The following ITPR1 variants were observed in gnomAD, a reference collection of about 807,000 sequenced individuals.
The protein encoded by ITPR1 is inositol 1,4,5-trisphosphate receptor type 1.
Under a neutral mutation model 318.4 loss-of-function variants are expected in ITPR1, and 96 were observed. The observed-to-expected ratio is 0.30, with a 90% CI of 0.26 to 0.36. The LOEUF is 0.36. ITPR1 is among the 10% of genes least tolerant of loss of function. ITPR1 has a pLI of 1.00. For synonymous variants in ITPR1, 1,312 were observed against 1,289.9 expected (o/e 1.02, Z -0.37); for missense variants, 2,440 against 3,460.2 (o/e 0.71, Z 7.40).
intron 43 of ITPR1, among the ~76,000 whole-genome samples, chr3:4,734,633 C>T (rs988254040): frequency 6.6e-6 from 1 of 152,216 alleles, no homozygotes; most frequent in Non-Finnish European, 1.5e-5. Flanking sequence ...TATTCATCTC[C>T]CCCATCCCCA....
intron 4 of ITPR1, among the ~76,000 whole-genome samples, chr3:4,578,913 C>T (rs919541919): frequency 1.3e-5 from 2 of 152,194 alleles, no homozygotes; most frequent in African/African-American, 4.8e-5. Flanking sequence ...GGGGGCCCCA[C>T]AGGGTCAAGG....
chr3:4,604,614 C>G (rs919897726), intron 4 of ITPR1, among the ~76,000 whole-genome samples: 2 of 152,080 alleles, frequency 1.3e-5, no homozygotes, highest in Non-Finnish European at 2.9e-5. Flanking sequence ...ATTCATGACT[C>G]TTTCATGGAC....
chr3:4,783,686 C>T (rs372146901), intron 50 of ITPR1, 130 bp from the exon 51 acceptor site: 41 of 746,228 alleles, frequency 5.5e-5, no homozygotes, highest in Middle Eastern at 4.6e-4. Context: ...GAGCAAGCCT[C>T]GTGGCACCTT....
chr3:4,637,189 T>A (rs1410045478), intron 5 of ITPR1, among the ~76,000 whole-genome samples: 1 of 152,270 alleles, frequency 6.6e-6, no homozygotes, highest in Admixed American at 6.5e-5. Context: ...TATTTTATTT[T>A]ACTGAATCCA....
intron 6 of ITPR1, among the ~76,000 whole-genome samples, chr3:4,639,805 GA>G (rs2093295603): frequency 1.3e-5 from 2 of 151,988 alleles, no homozygotes; most frequent in South Asian, 4.2e-4. Flanking sequence ...CTACTTCGGT[GA>G]AAATTAGCTT....
At chr3:4,811,206 G>A in intron 55 of ITPR1, 59 bp from the exon 56 acceptor site, 2 of 1,247,598 alleles carry the variant, frequency 1.6e-6, no homozygotes, top group Non-Finnish European at 1.1e-6. Context: ...TGCATTATGG[G>A]ATAGTGATGT....
At chr3:4,744,375 C>G (rs1025350453) in intron 44 of ITPR1, among the ~76,000 whole-genome samples, 1 of 152,144 alleles carries the variant, frequency 6.6e-6, no homozygotes, top group Non-Finnish European at 1.5e-5. Flanking sequence ...TAGTGACTTC[C>G]GAGTGTGAGA....
At position 4,717,449 on chromosome 3, in the gene ITPR1, G is replaced by A. The variant is rs116081432; in HGVS notation, c.5136+50G>A. The stretch of plus-strand genomic sequence containing the variant: ...TTTCATGTCTCATGGTGGTGTTTCC[G>A]TGACACCTTCCCAGTTAGCCCTGTG... On this transcript the variant is annotated intron_variant, in intron 40 of 61. Transcript: ENST00000649015. 3.6e-3 allele frequency: 5,120 copies of A among 1,419,454 alleles called. 141 individuals carry two copies. The African/African-American group carries it at 0.062, about 17-fold the overall frequency. The allele number at this position is 1,419,454 out of a possible 1,614,324, so 87.9% of individuals were successfully genotyped here.
At chr3:4,728,432 G>A (rs1215723072) in intron 42 of ITPR1, among the ~76,000 whole-genome samples, 2 of 152,168 alleles carry the variant, frequency 1.3e-5, no homozygotes, top group Non-Finnish European at 2.9e-5. Flanking sequence ...ATGGTCGTCG[G>A]TGTCTAGGAG....
chr3:4,646,627 C>T (rs1221075263), intron 10 of ITPR1, among the ~76,000 whole-genome samples: 1 of 152,118 alleles, frequency 6.6e-6, no homozygotes, highest in Non-Finnish European at 1.5e-5. Flanking sequence ...ATAACATAAT[C>T]AGTGTGCAAC....
chr3:4,679,519 AG>A (rs2094254668), intron 24 of ITPR1, among the ~76,000 whole-genome samples: 1 of 152,204 alleles, frequency 6.6e-6, no homozygotes, highest in Non-Finnish European at 1.5e-5. Flanking sequence ...GCTCCAGAAC[AG>A]GTGGATTCGG....
chr3:4,676,843 G>T (rs1282988099), intron 24 of ITPR1, 42 bp downstream of exon 24: 2 of 1,496,674 alleles, frequency 1.3e-6, no homozygotes, highest in South Asian at 1.2e-5. Context: ...GTATGTCACA[G>T]AGGCGCCATT....
chr3:4,706,248 A>G lies in ITPR1; in HGVS notation c.4739A>G (p.Gln1580Arg). 1 of 1,614,098 alleles carries G rather than the reference A, an allele frequency of 6.2e-7. No homozygotes were observed. The highest frequency in any genetic ancestry group is 8.5e-7 in the Non-Finnish European group (1 of 1,179,902). ...TTTCTCAAGTCCCACAGCATTGTGC[A>G]GAAAACAGCCATGAACTGGCGGCTC... Reference protein sequence around the residue: ...NLFLKSHSIVQKTAMNWRLSA... With the variant: ...NLFLKSHSIVRKTAMNWRLSA... Residue 1580 changes from glutamine (Q) to arginine (R), a missense_variant, in exon 37 of 62, where the codon CAG becomes CGG. Physicochemically the swap from Gln to Arg is conservative, Grantham distance 43. Around this residue, in one of 23 missense-constraint regions of ITPR1, gnomAD observed 166 missense variants for 246.5 expected, o/e 0.67. Coordinates refer to ENST00000649015, the MANE Select transcript of ITPR1 (RefSeq NM_001378452.1).
At chr3:4,642,331 C>A in intron 7 of ITPR1, 80 bp downstream of exon 7, 3 of 1,155,652 alleles carry the variant, frequency 2.6e-6, no homozygotes, top group South Asian at 3.1e-5. Flanking sequence ...AAGGAGGAGA[C>A]GTTGAAAGTT....
intron 10 of ITPR1, among the ~76,000 whole-genome samples, chr3:4,646,908 A>G (rs1368169475): frequency 1.3e-5 from 2 of 151,938 alleles, no homozygotes; most frequent in East Asian, 3.8e-4. Flanking sequence ...CAATTGTTTC[A>G]TGTTGCTACT....
intron 4 of ITPR1, among the ~76,000 whole-genome samples, chr3:4,584,364 T>C (rs2089662070): frequency 6.6e-6 from 1 of 152,142 alleles, no homozygotes; most frequent in African/African-American, 2.4e-5. Context: ...TGAGAAGATG[T>C]GGCTTATTCC....
At chr3:4,721,592 AG>A (rs2042168646) in intron 40 of ITPR1, among the ~76,000 whole-genome samples, 1 of 152,168 alleles carries the variant, frequency 6.6e-6, no homozygotes, top group South Asian at 2.1e-4. Flanking sequence ...GTGAGTGGAA[AG>A]GAACTCTGAA....
At chr3:4,561,661 ATT>A in intron 4 of ITPR1, among the ~76,000 whole-genome samples, 2 of 152,148 alleles carry the variant, frequency 1.3e-5, no homozygotes, top group Non-Finnish European at 2.9e-5. Flanking sequence ...ATGGTGTTAA[ATT>A]GGCCTGGGGA....
chr3:4,788,541 C>T (rs2047350004), intron 52 of ITPR1, among the ~76,000 whole-genome samples: 1 of 152,220 alleles, frequency 6.6e-6, no homozygotes, highest in Non-Finnish European at 1.5e-5. Context: ...GCTCCAGAGA[C>T]TCTGGTATTT....
Sources: gnomAD v4.1 joint callset for allele counts (sites outside exome capture counted in the v4.1 genomes callset) on GRCh38, gnomAD v4.1.1 for gene constraint, gnomAD v4.1.1 regional missense constraint, MANE v1.5 for transcripts, NCBI Gene and HGNC (gene_info 2026-07-23, HGNC 2026-07-21) for gene names.